The following MED13L variants were observed in gnomAD, a reference collection of about 807,000 sequenced individuals.
The protein encoded by MED13L is mediator complex subunit 13L.
In MED13L, 7 loss-of-function variants were observed where a neutral mutation model predicts 220.9. The observed-to-expected ratio is 0.03, with a 90% CI of 0.02 to 0.06. The LOEUF (loss-of-function observed/expected upper bound fraction) is 0.06. MED13L is among the 10% of genes least tolerant of loss of function. The probability of loss-of-function intolerance (pLI) is 1.00; values close to 1 mark genes in which losing one functional copy is unlikely to be tolerated. For missense variants in MED13L, 1,965 were observed against 2,760.5 expected (o/e 0.71, Z 6.46); for synonymous variants, 1,011 against 1,015.2 (o/e 1.00, Z 0.08).
At chr12:115,975,054 AAATAG>A (rs1876840554) in intron 25 of MED13L, 112 bp downstream of exon 25, 1 of 1,080,730 alleles carries the variant, frequency 9.3e-7, no homozygotes, top group African/African-American at 1.6e-5. Flanking sequence ...AAGAATCATA[AAATAG>A]AATCTGTTTA....
At chr12:115,993,024 A>C (rs1878166769) in intron 16 of MED13L, among the ~76,000 whole-genome samples, 2 of 152,226 alleles carry the variant, frequency 1.3e-5, no homozygotes. Context: ...CAGTTAAAAA[A>C]CACAAATCAA....
intron 10 of MED13L, 93 bp downstream of exon 10, chr12:116,008,308 T>C: frequency 6.7e-7 from 1 of 1,496,162 alleles, no homozygotes; most frequent in East Asian, 2.3e-5. Flanking sequence ...AAAGCCTACT[T>C]CAATTTTGAA....
Position 115,991,281 on chromosome 12 carries a change from G to C in MED13L, c.3673C>G (p.Leu1225Val), listed in dbSNP as rs777180391. Residue 1225 changes from leucine (L) to valine (V), a missense_variant, in exon 17 of 31, where the codon CTT becomes GTT. Coordinates refer to ENST00000281928, the MANE Select transcript of MED13L (RefSeq NM_015335.5). This position sits in a 1 kb window ranked among gnomAD's most constrained non-coding sequence, Gnocchi z 7.7. ...TKKPQEPPISLLLLLQNQHTQ... is the reference protein window; with the variant it reads ...TKKPQEPPISVLLLLQNQHTQ... ...TGTTGATTCTGGAGGAGGAGGAGAA[G>C]GCTTATGGGTGGCTCCTGGGGTTTT... 23 of 1,614,022 alleles carry C rather than the reference G, an allele frequency of 1.4e-5. No homozygotes were observed. In the South Asian group the frequency reaches 2.5e-4, roughly 18 times the overall value.
At chr12:116,230,564 T>C (rs917542666) in intron 2 of MED13L, 1 of 736,334 alleles carries the variant, frequency 1.4e-6, no homozygotes, top group South Asian at 6.2e-5. Context: ...ATACTGCAAA[T>C]ACAATTCCTT....
At chr12:116,018,786 T>G (rs1252996945) in intron 7 of MED13L, among the ~76,000 whole-genome samples, 1 of 151,976 alleles carries the variant, frequency 6.6e-6, no homozygotes, top group African/African-American at 2.4e-5. Context: ...TAGTCTAACT[T>G]TACATCTAAC....
intron 2 of MED13L, among the ~76,000 whole-genome samples, chr12:116,186,959 C>A (rs1157872708): frequency 2.6e-5 from 4 of 152,124 alleles, no homozygotes; most frequent in African/African-American, 9.7e-5. Flanking sequence ...TACTGCTCTC[C>A]CAAACAAACC....
chr12:116,087,717 A>G (rs1275732382), intron 4 of MED13L, among the ~76,000 whole-genome samples: 1 of 152,038 alleles, frequency 6.6e-6, no homozygotes, highest in Non-Finnish European at 1.5e-5. Context: ...GGTCTGTCTC[A>G]TTTCTCATCA....
At chr12:116,078,969 T>C (rs1871025237) in intron 4 of MED13L, among the ~76,000 whole-genome samples, 1 of 152,220 alleles carries the variant, frequency 6.6e-6, no homozygotes, top group African/African-American at 2.4e-5. Context: ...TTTTTCACTC[T>C]TTCTCCAAGT....
intron 6 of MED13L, 42 bp from the exon 7 acceptor site, chr12:116,019,454 G>T (rs1879923583): frequency 6.3e-7 from 1 of 1,599,550 alleles, no homozygotes; most frequent in Non-Finnish European, 8.6e-7. Flanking sequence ...GACTGAGAAA[G>T]AATTCATACA....
intron 2 of MED13L, among the ~76,000 whole-genome samples, chr12:116,142,772 T>C (rs538312523): frequency 6.6e-6 from 1 of 152,312 alleles, no homozygotes; most frequent in African/African-American, 2.4e-5. Flanking sequence ...TGCATAAAAA[T>C]AAAGTGACAC....
intron 4 of MED13L, among the ~76,000 whole-genome samples, chr12:116,072,933 T>C (rs1870494855): frequency 6.6e-6 from 1 of 152,196 alleles, no homozygotes; most frequent in African/African-American, 2.4e-5. Context: ...CATTGATTCA[T>C]TTGAAAGTCC....
In MED13L at chr12:115,961,084, G is replaced by A. The variant is rs1875726538; in HGVS notation, c.*182C>T. ...CCAGGTCCATGAGAGAAGTGTCAAG[G>A]AGTCACTCTGGTAATGAACACTGCA... On this transcript the variant is annotated 3_prime_UTR_variant, in exon 31 of 31. Coordinates refer to ENST00000281928, the MANE Select transcript of MED13L (RefSeq NM_015335.5). 1 of 803,566 alleles carries A rather than the reference G, an allele frequency of 1.2e-6. No individual in the cohort carries two copies. The highest frequency in any genetic ancestry group is 1.7e-5 in the African/African-American group (1 of 59,048). The allele number at this position is 803,566 out of a possible 1,614,324, so 49.8% of individuals were successfully genotyped here.
At chr12:116,163,459 G>T (rs557902434) in intron 2 of MED13L, among the ~76,000 whole-genome samples, 1 of 150,680 alleles carries the variant, frequency 6.6e-6, no homozygotes, top group Admixed American at 6.6e-5. Context: ...CTGCCTCCCA[G>T]ATTCAAGTGA....
At position 116,020,122 on chromosome 12, in the gene MED13L, GA is replaced by G. The variant is rs1355317848; in HGVS notation, c.626-151del. 18 of 795,344 alleles carry G rather than the reference GA, an allele frequency of 2.3e-5. No homozygotes were observed. The African/African-American group carries it at 3.1e-4, about 14-fold the overall frequency. The allele number at this position is 795,344 out of a possible 1,614,324, so 49.3% of individuals were successfully genotyped here. A position where few individuals can be genotyped will look rare whatever the true frequency, so the allele number is the denominator to read the frequency against. On this transcript the variant is annotated intron_variant, in intron 5 of 30. Coordinates refer to ENST00000281928, the MANE Select transcript of MED13L (RefSeq NM_015335.5). ...ACTCTATTTAAAGTATGATTTAAAAGAAATTTTTTTAAAAATTATTTTTGTA... is the reference window on the plus strand; with the variant it reads ...ACTCTATTTAAAGTATGATTTAAAAGAATTTTTTTAAAAATTATTTTTGTA...
chr12:116,230,624 T>TA (rs34890905), intron 2 of MED13L: 337 of 266,564 alleles, frequency 1.3e-3, no homozygotes, highest in Non-Finnish European at 1.8e-3. Context: ...TTAATACCAC[T>TA]AAAAAAAAAG....
intron 1 of MED13L, among the ~76,000 whole-genome samples, chr12:116,242,003 T>A (rs1264585875): frequency 1.3e-5 from 2 of 151,486 alleles, no homozygotes; most frequent in Non-Finnish European, 2.9e-5. Context: ...TAGACCATGA[T>A]CATATTTATA....
Position 116,056,454 on chromosome 12 carries a change from C to T in MED13L, c.480-33853G>A, listed in dbSNP as rs140053985. 7.3e-3 allele frequency among the ~76,000 whole-genome samples: 1,108 copies of T among 152,136 alleles called. 20 individuals are homozygous for T. Among genetic ancestry groups the T allele is most frequent in the African/African-American group, 0.025 (1,034 of 41,494 alleles). On this transcript the variant is annotated intron_variant, in intron 4 of 30. Coordinates refer to ENST00000281928, the MANE Select transcript of MED13L (RefSeq NM_015335.5). ...ATGTTGCCCAGGCTGATCTTGAACTCCTGGGCTCAAGCAATCTGTCCAGCT... is the reference window on the plus strand; with the variant it reads ...ATGTTGCCCAGGCTGATCTTGAACTTCTGGGCTCAAGCAATCTGTCCAGCT...
intron 14 of MED13L, among the ~76,000 whole-genome samples, chr12:116,001,651 T>C (rs1878751469): frequency 6.6e-6 from 1 of 152,170 alleles, no homozygotes; most frequent in Non-Finnish European, 1.5e-5. Context: ...CACGAACACA[T>C]ATTTATATAT....
In MED13L at chr12:116,145,865, T is replaced by TA. The variant is rs1215948673; in HGVS notation, c.311-34354dup. ...TTTTTAGTCTAAGCCTCATGAAGTT[T>TA]AAAAAAAAATCCCCACACATAGAGG... On this transcript the variant is annotated intron_variant, in intron 2 of 30. Coordinates refer to ENST00000281928, the MANE Select transcript of MED13L (RefSeq NM_015335.5). Among the ~76,000 whole-genome samples, 11 of 150,766 alleles carry TA rather than the reference T, an allele frequency of 7.3e-5. No individual in the cohort carries two copies. The East Asian group carries it at 1.2e-3, about 16-fold the overall frequency.
Sources: gnomAD v4.1 joint callset for allele counts (sites outside exome capture counted in the v4.1 genomes callset) on GRCh38, gnomAD v4.1.1 for gene constraint, Gnocchi (gnomAD v3.1) non-coding constraint, MANE v1.5 for transcripts, NCBI Gene and HGNC (gene_info 2026-07-23, HGNC 2026-07-21) for gene names.